PACSIN2: variants seen among roughly 807,000 people sequenced by gnomAD.
PACSIN2 encodes protein kinase C and casein kinase substrate in neurons protein 2.
PACSIN2 carries 25 observed loss-of-function variants against 63.8 expected under a neutral mutation model. The ratio of observed to expected loss-of-function variants is 0.39; its 90% confidence interval spans 0.29 to 0.55. The LOEUF is 0.55. PACSIN2 is among the 20% of genes least tolerant of loss of function. The pLI, the probability that PACSIN2 is intolerant of heterozygous loss-of-function variation, is 0.62. For synonymous variants in PACSIN2, 255 were observed against 256.2 expected, an observed-to-expected ratio of 1.00 and a Z score of 0.05; for missense variants, 518 against 646.9, an observed-to-expected ratio of 0.80 and a Z score of 2.16.
At chr22:42,919,155 C>A (rs946313751) in intron 1 of PACSIN2, among the ~76,000 whole-genome samples, 19 of 152,254 alleles carry the variant, frequency 1.2e-4, no homozygotes, top group African/African-American at 4.3e-4. Context: ...TAATTGGGGG[C>A]TTCTCATCTG....
intron 1 of PACSIN2, among the ~76,000 whole-genome samples, chr22:42,975,594 A>G (rs1301277188): frequency 6.8e-6 from 1 of 146,002 alleles, no homozygotes; most frequent in Non-Finnish European, 1.5e-5. Context: ...ATTTACAGAT[A>G]CATGTGTATA....
intron 2 of PACSIN2, chr22:42,909,422 C>T (rs758973608): frequency 9.6e-6 from 4 of 417,426 alleles, no homozygotes; most frequent in African/African-American, 2.1e-5. Flanking sequence ...GAACTTGCTA[C>T]CTGCCTGGGA....
In PACSIN2 at chr22:42,914,226, C is replaced by T. The variant is rs370884826; in HGVS notation, c.-77-2069G>A. Among the ~76,000 whole-genome samples, 24 of 152,268 alleles carry T rather than the reference C, an allele frequency of 1.6e-4. No individual in the cohort carries two copies. The East Asian group carries it at 3.5e-3, about 22-fold the overall frequency. ...GGCCACCTGGCCTGGGCCCTGATGCCACCTCTCACAGTAATTTTTTTTTTT... is the reference window on the plus strand; with the variant it reads ...GGCCACCTGGCCTGGGCCCTGATGCTACCTCTCACAGTAATTTTTTTTTTT... On this transcript the variant is annotated intron_variant, in intron 1 of 10. Coordinates refer to ENST00000263246, the MANE Select transcript of PACSIN2 (RefSeq NM_001184970.3).
At chr22:42,982,484 G>A (rs1174509164) in intron 1 of PACSIN2, among the ~76,000 whole-genome samples, 3 of 85,672 alleles carry the variant, frequency 3.5e-5, no homozygotes, top group Non-Finnish European at 6.7e-5. Context: ...CCGGGTCTGT[G>A]TGGATAGAAG....
At chr22:42,943,353 T>C (rs1291196755) in intron 1 of PACSIN2, among the ~76,000 whole-genome samples, 2 of 152,216 alleles carry the variant, frequency 1.3e-5, no homozygotes, top group Non-Finnish European at 2.9e-5. Context: ...GTTTTACCTT[T>C]TCCTTTCCAA....
Position 42,933,535 on chromosome 22 carries a change from T to C in PACSIN2, c.-77-21378A>G, listed in dbSNP as rs181883924. Among the ~76,000 whole-genome samples the C allele has an allele frequency of 2.5e-3, 386 of 152,322 alleles. 2 individuals carry two copies. The highest frequency in any genetic ancestry group is 9.1e-3 in the African/African-American group (380 of 41,570). ...AAAGAACCAAGGGTGGTCTGTTAGA[T>C]GTCTAGACCAAAATGTATAACACCA... On this transcript the variant is annotated intron_variant, in intron 1 of 10. Coordinates refer to ENST00000263246, the MANE Select transcript of PACSIN2 (RefSeq NM_001184970.3).
At chr22:43,009,678 C>G (rs1422859833) in intron 1 of PACSIN2, among the ~76,000 whole-genome samples, 1 of 152,106 alleles carries the variant, frequency 6.6e-6, no homozygotes, top group Non-Finnish European at 1.5e-5. Flanking sequence ...CCACGCTCCT[C>G]CCCCTCTGTC....
chr22:42,882,190 C>T lies in PACSIN2; in HGVS notation c.900G>A (p.Gln300=), dbSNP rs1458532012. The part of the protein sequence containing the change: ...HGPGMAMNWP[Q]FEEWSADLNR... ...GGGCACACCCTCCTCTTACCTCAAACTGCGGCCAGTTCATGGCCATGCCCG... is the reference window on the plus strand; with the variant it reads ...GGGCACACCCTCCTCTTACCTCAAATTGCGGCCAGTTCATGGCCATGCCCG... Residue 300 remains glutamine (Q), a synonymous_variant, in exon 7 of 11, where the codon CAG becomes CAA. Transcript: ENST00000263246. 3 of 1,613,990 alleles carry T rather than the reference C, an allele frequency of 1.9e-6. No homozygotes were observed. Among genetic ancestry groups the T allele is most frequent in the Non-Finnish European group, 2.5e-6 (3 of 1,180,032 alleles).
At chr22:42,921,863 C>A (rs1244304882) in intron 1 of PACSIN2, among the ~76,000 whole-genome samples, 1 of 152,054 alleles carries the variant, frequency 6.6e-6, no homozygotes, top group Non-Finnish European at 1.5e-5. Flanking sequence ...CTCAGCCTCC[C>A]GAGTAGCTGG....
Position 42,879,097 on chromosome 22 carries a change from T to C in PACSIN2, c.979A>G (p.Thr327Ala). 6.2e-7 allele frequency: 1 copy of C among 1,614,146 alleles called. No individual in the cohort carries two copies. Among genetic ancestry groups the C allele is most frequent in the Non-Finnish European group, 8.5e-7 (1 of 1,180,002 alleles). The change falls in exon 8 of 11, where the codon ACG (threonine) becomes GCG (alanine). Residue 327 changes from threonine to alanine, a missense_variant. Physicochemically the swap from Thr to Ala is moderately conservative, Grantham distance 58 (BLOSUM62 0). Around this residue, in one of 2 missense-constraint regions of PACSIN2, gnomAD observed 507 missense variants for 612.3 expected, o/e 0.83. Transcript: ENST00000263246. ...TGGTCGCCTGTCTGGTTGATGCCCG[T>C]CAGGGTGACGCCGTCAGTGGCCTTC... Reference protein sequence around the residue: ...KKKATDGVTLTGINQTGDQSL... With the variant: ...KKKATDGVTLAGINQTGDQSL...
chr22:42,892,739 T>C (rs1930002209), intron 3 of PACSIN2, among the ~76,000 whole-genome samples: 1 of 152,194 alleles, frequency 6.6e-6, no homozygotes, highest in Non-Finnish European at 1.5e-5. Flanking sequence ...CTGGCTTGCT[T>C]GGGACCTGGC....
rs1446052402 is a variant in PACSIN2 at position 42,888,812 on chromosome 22, G to A, written c.454-14C>T. 2 of 1,613,804 alleles carry A rather than the reference G, an allele frequency of 1.2e-6. No homozygotes were observed. On this transcript the variant is annotated splice_polypyrimidine_tract_variant and intron_variant, in intron 4 of 10. Coordinates refer to ENST00000263246, the MANE Select transcript of PACSIN2 (RefSeq NM_001184970.3). ...TGCTGCTTCTACCTACAGGGAGAATGAGTTCCTGAATGCCATGTCACTGGG... is the reference window on the plus strand; with the variant it reads ...TGCTGCTTCTACCTACAGGGAGAATAAGTTCCTGAATGCCATGTCACTGGG...
At chr22:42,995,076 C>T (rs1442887917) in intron 1 of PACSIN2, among the ~76,000 whole-genome samples, 1 of 152,250 alleles carries the variant, frequency 6.6e-6, no homozygotes, top group East Asian at 1.9e-4. Context: ...CAATGTCCCC[C>T]CTCCCCGCCT....
chr22:42,991,360 C>A (rs1308171389), intron 1 of PACSIN2, among the ~76,000 whole-genome samples: 1 of 152,144 alleles, frequency 6.6e-6, no homozygotes, highest in Non-Finnish European at 1.5e-5. Flanking sequence ...TCAGCCCTCG[C>A]AGAATGGGGA....
At chr22:43,010,030 C>A (rs1040767208) in intron 1 of PACSIN2, among the ~76,000 whole-genome samples, 1 of 151,640 alleles carries the variant, frequency 6.6e-6, no homozygotes, top group Non-Finnish European at 1.5e-5. Context: ...CCACCATACC[C>A]GACTAATTTT....
intron 1 of PACSIN2, among the ~76,000 whole-genome samples, chr22:42,986,582 T>A (rs1922627093): frequency 6.6e-6 from 1 of 152,038 alleles, no homozygotes; most frequent in African/African-American, 2.4e-5. Context: ...TGCATGACAG[T>A]GACACTCTAA....
Position 42,934,926 on chromosome 22 carries a change from T to G in PACSIN2, c.-77-22769A>C, listed in dbSNP as rs149690239. On this transcript the variant is annotated intron_variant, in intron 1 of 10. Transcript: ENST00000263246. ...TTTCTTTCTTCCTTTTTCTTTTTCTTTTTTTTTGAGACAGAGTTTCGCTTT... is the reference window on the plus strand; with the variant it reads ...TTTCTTTCTTCCTTTTTCTTTTTCTGTTTTTTTGAGACAGAGTTTCGCTTT... Among the ~76,000 whole-genome samples the G allele has an allele frequency of 3.5e-3, 535 of 151,970 alleles. 3 individuals are homozygous for G. The highest frequency in any genetic ancestry group is 0.012 in the African/African-American group (508 of 41,462).
chr22:42,920,987 G>A (rs1049931711), intron 1 of PACSIN2, among the ~76,000 whole-genome samples: 3 of 151,550 alleles, frequency 2.0e-5, no homozygotes, highest in Non-Finnish European at 4.4e-5. Flanking sequence ...GTAGAGACGG[G>A]GTTTCGTCGT....
intron 2 of PACSIN2, among the ~76,000 whole-genome samples, chr22:42,899,777 G>A (rs1930545860): frequency 6.6e-6 from 1 of 152,224 alleles, no homozygotes; most frequent in Non-Finnish European, 1.5e-5. Context: ...ACGGGGCCCA[G>A]CAGTGCAGCG....
Sources: gnomAD v4.1 joint callset for allele counts (sites outside exome capture counted in the v4.1 genomes callset) on GRCh38, gnomAD v4.1.1 for gene constraint, gnomAD v4.1.1 regional missense constraint, MANE v1.5 for transcripts, NCBI Gene and HGNC (gene_info 2026-07-23, HGNC 2026-07-21) for gene names.